Variants in PKIG observed in about 807,000 individuals in gnomAD.
PKIG encodes the protein cAMP-dependent protein kinase inhibitor gamma, also known as protein kinase (cAMP-dependent, catalytic) inhibitor gamma.
Under a neutral mutation model 6.8 loss-of-function variants are expected in PKIG, and 1 was observed. That is an observed-to-expected ratio of 0.15 (90% CI 0.05 to 0.69). PKIG has a LOEUF of 0.69. Ranked by LOEUF, PKIG falls within the 30% of genes least tolerant of loss-of-function variation. PKIG has a pLI of 0.82. For synonymous variants in PKIG, 39 were observed against 43.0 expected (o/e 0.91, Z 0.36); for missense variants, 77 against 104.0 (o/e 0.74, Z 1.13).
chr20:44,604,050 A>G (rs2065144108), intron 2 of PKIG, among the ~76,000 whole-genome samples: 1 of 152,076 alleles, frequency 6.6e-6, no homozygotes, highest in Non-Finnish European at 1.5e-5. Context: ...GGTGAGGAAT[A>G]AGTGAGAAGA....
chr20:44,610,229 G>A (rs1398527672), intron 2 of PKIG, among the ~76,000 whole-genome samples: 3 of 152,128 alleles, frequency 2.0e-5, no homozygotes, highest in Non-Finnish European at 4.4e-5. Flanking sequence ...TTTTACACAG[G>A]GGAAATGAAG....
At chr20:44,602,334 G>C (rs2065128185) in intron 2 of PKIG, among the ~76,000 whole-genome samples, 1 of 152,186 alleles carries the variant, frequency 6.6e-6, no homozygotes, top group Non-Finnish European at 1.5e-5. Flanking sequence ...TTAACTGCAT[G>C]ATCCACATGC....
intron 1 of PKIG, among the ~76,000 whole-genome samples, chr20:44,546,557 G>GTTTTTTTTT (rs2064615774): frequency 8.5e-6 from 1 of 117,472 alleles, no homozygotes; most frequent in African/African-American, 4.3e-5. Flanking sequence ...GTTTTTTTGA[G>GTTTTTTTTT]TTCTTTTTTT....
intron 1 of PKIG, among the ~76,000 whole-genome samples, chr20:44,570,553 T>C (rs1178119822): frequency 2.0e-5 from 3 of 152,232 alleles, no homozygotes; most frequent in Admixed American, 6.5e-5. Context: ...TCAGTTTACC[T>C]ATCTCTAAAA....
intron 2 of PKIG, among the ~76,000 whole-genome samples, chr20:44,608,024 G>A (rs1479311113): frequency 6.6e-6 from 1 of 151,922 alleles, no homozygotes; most frequent in African/African-American, 2.4e-5. Flanking sequence ...AAGGAAAAAG[G>A]AAGGGAAGGA....
intron 1 of PKIG, among the ~76,000 whole-genome samples, chr20:44,572,001 A>G (rs535568400): frequency 6.6e-6 from 1 of 152,168 alleles, no homozygotes; most frequent in East Asian, 1.9e-4. Context: ...GACAATATAC[A>G]TGTTTTTGTT....
At chr20:44,556,494 C>T (rs2064714538) in intron 1 of PKIG, among the ~76,000 whole-genome samples, 1 of 152,080 alleles carries the variant, frequency 6.6e-6, no homozygotes, top group Non-Finnish European at 1.5e-5. Flanking sequence ...TTCTGAGTAG[C>T]TGGGATTACA....
intron 1 of PKIG, among the ~76,000 whole-genome samples, chr20:44,589,259 G>C (rs2065015388): frequency 6.6e-6 from 1 of 152,066 alleles, no homozygotes. Context: ...ATTGCTTGAG[G>C]CCAGGAGTTT....
rs554710705 is a variant in PKIG at position 44,613,957 on chromosome 20, C to G, written c.-23-577C>G. Among the ~76,000 whole-genome samples, 105 of 152,286 alleles carry G rather than the reference C, an allele frequency of 6.9e-4. 1 individual carries two copies. The South Asian group carries it at 0.021, about 31-fold the overall frequency. The stretch of plus-strand genomic sequence containing the variant: ...TCTGTCCTTCCAAGCCCTCATGCCT[C>G]CCTCCCTCAGAGCCTTCACACATGC... On this transcript the variant is annotated intron_variant, in intron 2 of 3. Transcript: ENST00000372886.
chr20:44,610,705 G>T (rs1259561649), intron 2 of PKIG, among the ~76,000 whole-genome samples: 1 of 152,176 alleles, frequency 6.6e-6, no homozygotes, highest in East Asian at 1.9e-4. Flanking sequence ...ACAGTTGACA[G>T]GGTTGATAGA....
chr20:44,569,291 G>A (rs192033346), intron 1 of PKIG, among the ~76,000 whole-genome samples: 103 of 152,262 alleles, frequency 6.8e-4, no homozygotes, highest in African/African-American at 2.4e-3. Context: ...TCTCTCTCCT[G>A]AAATTTATAT....
chr20:44,562,207 A>AATG (rs1411623953), intron 1 of PKIG, among the ~76,000 whole-genome samples: 1 of 152,212 alleles, frequency 6.6e-6, no homozygotes, highest in African/African-American at 2.4e-5. Flanking sequence ...AGGGAAAATC[A>AATG]ATGAAGCCAA....
intron 1 of PKIG, among the ~76,000 whole-genome samples, chr20:44,587,023 C>G (rs1236839419): frequency 6.6e-6 from 1 of 152,190 alleles, no homozygotes; most frequent in Non-Finnish European, 1.5e-5. Flanking sequence ...TACTATGTCC[C>G]AGGAACCTAG....
chr20:44,569,803 A>G (rs1015716405), intron 1 of PKIG, among the ~76,000 whole-genome samples: 15 of 152,100 alleles, frequency 9.9e-5, no homozygotes, highest in African/African-American at 2.9e-4. Flanking sequence ...GTCCAGAGAT[A>G]TACAATTTGG....
chr20:44,556,196 A>G (rs2064711629), intron 1 of PKIG, among the ~76,000 whole-genome samples: 1 of 152,172 alleles, frequency 6.6e-6, no homozygotes, highest in Non-Finnish European at 1.5e-5. Context: ...TACATCATTT[A>G]TTACCTAAAA....
upstream of PKIG, among the ~76,000 whole-genome samples, chr20:44,580,361 T>G (rs2064937464): frequency 6.6e-6 from 1 of 151,932 alleles, no homozygotes; most frequent in Admixed American, 6.6e-5. Flanking sequence ...TTTGTTTTTT[T>G]TTTAAAGACA....
At chr20:44,590,138 G>A (rs2065022661) in intron 2 of PKIG, among the ~76,000 whole-genome samples, 1 of 152,048 alleles carries the variant, frequency 6.6e-6, no homozygotes, top group Admixed American at 6.6e-5. Flanking sequence ...AGAGGGGATG[G>A]GTTTCCCGGC....
intron 3 of PKIG, among the ~76,000 whole-genome samples, chr20:44,616,329 C>A (rs1393332782): frequency 6.6e-6 from 1 of 152,182 alleles, no homozygotes; most frequent in African/African-American, 2.4e-5. Flanking sequence ...GGCTCTGTGT[C>A]TTGTGCCCTC....
intron 1 of PKIG, among the ~76,000 whole-genome samples, chr20:44,532,239 C>T (rs542780057): frequency 6.6e-6 from 1 of 152,306 alleles, no homozygotes; most frequent in East Asian, 1.9e-4. Flanking sequence ...AAAAAAAATC[C>T]CTTCTTGTTT....
Sources: allele counts gnomAD v4.1 joint callset (sites outside exome capture counted in the v4.1 genomes callset), GRCh38; gene constraint gnomAD v4.1.1; transcripts MANE v1.5; gene names NCBI Gene and HGNC (gene_info 2026-07-23, HGNC 2026-07-21).